ZFP91: variants seen among roughly 807,000 people sequenced by gnomAD.
ZFP91 encodes ZFP91 zinc finger protein, atypical E3 ubiquitin ligase, also known as E3 ubiquitin-protein ligase ZFP91.
Under a neutral mutation model 63.5 loss-of-function variants are expected in ZFP91, and 7 were observed. The ratio of observed to expected loss-of-function variants is 0.11; its 90% CI spans 0.06 to 0.21. The LOEUF (loss-of-function observed/expected upper bound fraction) is 0.21. Ranked by LOEUF, ZFP91 falls within the 10% of genes least tolerant of loss-of-function variation. The pLI is 1.00. For synonymous variants in ZFP91, 330 were observed against 272.1 expected (o/e 1.21, Z -2.10); for missense variants, 628 against 736.6 (o/e 0.85, Z 1.71).
chr11:58,602,231 C>G (rs1019281305), intron 2 of ZFP91, among the ~76,000 whole-genome samples: 1 of 152,106 alleles, frequency 6.6e-6, no homozygotes, highest in African/African-American at 2.4e-5. Context: ...CCCAATATGT[C>G]TGTTTTTTAA....
chr11:58,594,209 G>T (rs985693977), intron 2 of ZFP91, among the ~76,000 whole-genome samples: 2 of 152,076 alleles, frequency 1.3e-5, no homozygotes, highest in Non-Finnish European at 2.9e-5. Flanking sequence ...TAAATGATGG[G>T]TTTTGTCATG....
chr11:58,604,334 G>A lies in ZFP91; in HGVS notation c.371-5496G>A, dbSNP rs574760972. 2.6e-5 allele frequency among the ~76,000 whole-genome samples: 4 copies of A among 152,312 alleles called. No individual in the cohort carries two copies. In the East Asian group the frequency reaches 7.7e-4, roughly 29 times the overall value. Reference sequence around the variant, plus strand: ...ACCGTGTGATGATGGAGATAGAATTGAAGTTAGCAGCTATAAGCCAAGTTG... The same window carrying A: ...ACCGTGTGATGATGGAGATAGAATTAAAGTTAGCAGCTATAAGCCAAGTTG... On this transcript the variant is annotated intron_variant, in intron 2 of 10. Transcript: ENST00000316059.
chr11:58,600,632 C>T (rs1855477744), intron 2 of ZFP91, among the ~76,000 whole-genome samples: 1 of 152,104 alleles, frequency 6.6e-6, no homozygotes, highest in Non-Finnish European at 1.5e-5. Context: ...TCTTCCTTTT[C>T]ACTTTGGGTG....
intron 9 of ZFP91, among the ~76,000 whole-genome samples, chr11:58,615,397 C>T (rs1035198331): frequency 2.0e-5 from 3 of 148,226 alleles, no homozygotes; most frequent in Admixed American, 6.9e-5. Flanking sequence ...CTGACAGCCA[C>T]TTTAGATTGT....
At position 58,617,070 on chromosome 11, in the gene ZFP91, T is replaced by TTGTGTGTGTGTGTGTGTG. The variant is rs143676081; in HGVS notation, c.1203-114_1203-97dup. 48 of 740,610 alleles carry TTGTGTGTGTGTGTGTGTG rather than the reference T, an allele frequency of 6.5e-5. No homozygotes were observed. In the African/African-American group the frequency reaches 6.9e-4, roughly 11 times the overall value. 45.9% of individuals were successfully genotyped at this position (740,610 alleles called of 1,614,324 possible). On this transcript the variant is annotated intron_variant, in intron 10 of 10. Transcript: ENST00000316059. This position sits in a 1 kb window ranked among gnomAD's most constrained non-coding sequence, Gnocchi z 4.2. ...TTCAAAAGAAGTATGTTACTGATTATTGTGTGTGTGTGTGTGTGTGTGTGT... is the reference window on the plus strand; with the variant it reads ...TTCAAAAGAAGTATGTTACTGATTATTGTGTGTGTGTGTGTGTGTGTGTGTGTGTGTGTGTGTGTGTGT...
chr11:58,590,908 G>GT (rs1265672230), intron 2 of ZFP91, among the ~76,000 whole-genome samples: 2,085 of 143,762 alleles, frequency 0.015, 46 homozygotes, highest in African/African-American at 0.046. Flanking sequence ...ATATTTCTGG[G>GT]TTTTTTTTTT....
Position 58,617,952 on chromosome 11 carries a change from C to G in ZFP91, c.*246C>G, listed in dbSNP as rs574791363. 2.4e-6 allele frequency: 1 copy of G among 409,052 alleles called. No homozygotes were observed. Among genetic ancestry groups the G allele is most frequent in the East Asian group, 4.2e-5 (1 of 24,032 alleles). The allele number at this position is 409,052 out of a possible 1,614,324, so 25.3% of individuals were successfully genotyped here. A position where few individuals can be genotyped will look rare whatever the true frequency, so the allele number is the denominator to read the frequency against. ...AAGGTAGACAAAAAAGAAGCAGCAG[C>G]AGCTCTTAAAGTGAGGGTTATTCTC... On this transcript the variant is annotated 3_prime_UTR_variant, in exon 11 of 11. Coordinates refer to ENST00000316059, the MANE Select transcript of ZFP91 (RefSeq NM_053023.5). This position sits in a 1 kb window ranked among gnomAD's most constrained non-coding sequence, Gnocchi z 4.2.
At chr11:58,599,165 C>T (rs1421958469) in intron 2 of ZFP91, among the ~76,000 whole-genome samples, 7 of 151,888 alleles carry the variant, frequency 4.6e-5, no homozygotes, top group Non-Finnish European at 7.4e-5. Flanking sequence ...TAAAAATTTT[C>T]GTTGTATGTA....
chr11:58,581,754 A>G (rs1192271732), intron 1 of ZFP91, among the ~76,000 whole-genome samples: 1 of 152,272 alleles, frequency 6.6e-6, no homozygotes, highest in Non-Finnish European at 1.5e-5. Context: ...ACTCTTGGCA[A>G]CAAAGTACTA....
rs879107857 is a variant in ZFP91, at chr11:58,621,142, T to C, written c.*3436T>C. The C allele has an allele frequency of 6.6e-6, 1 of 152,518 alleles. No homozygotes were observed. The highest frequency in any genetic ancestry group is 2.1e-4 in the South Asian group (1 of 4,824). The allele number at this position is 152,518 out of a possible 1,614,324, so 9.4% of individuals were successfully genotyped here. A position where few individuals can be genotyped will look rare whatever the true frequency, so the allele number is the denominator to read the frequency against. Reference sequence around the variant, plus strand: ...AAATGCCCTCAGAACAGGTGTTATGTGGGGCATACTATTGTTTGCTTTTGT... The same window carrying C: ...AAATGCCCTCAGAACAGGTGTTATGCGGGGCATACTATTGTTTGCTTTTGT... On this transcript the variant is annotated 3_prime_UTR_variant, in exon 11 of 11. Transcript: ENST00000316059.
chr11:58,594,730 A>G (rs920190304), intron 2 of ZFP91, among the ~76,000 whole-genome samples: 59 of 152,372 alleles, frequency 3.9e-4, no homozygotes, highest in Non-Finnish European at 1.2e-4. Flanking sequence ...AAATCTAGGC[A>G]TTAATACACA....
At chr11:58,613,615 A>G (rs1855702675) in intron 8 of ZFP91, among the ~76,000 whole-genome samples, 1 of 152,200 alleles carries the variant, frequency 6.6e-6, no homozygotes, top group Non-Finnish European at 1.5e-5. Context: ...AAAAAAAGTA[A>G]AATTAGAACT....
intron 2 of ZFP91, among the ~76,000 whole-genome samples, chr11:58,603,763 TCG>T (rs749394270): frequency 2.0e-5 from 3 of 152,338 alleles, no homozygotes; most frequent in South Asian, 2.1e-4. Flanking sequence ...CTAATGCTTT[TCG>T]CTAGGTTTTG....
rs527303993 is a variant in ZFP91 at position 58,591,578 on chromosome 11, C to A, written c.370+6694C>A. Among the ~76,000 whole-genome samples, 6 of 152,250 alleles carry A rather than the reference C, an allele frequency of 3.9e-5. No homozygotes were observed. In the South Asian group the frequency reaches 1.2e-3, roughly 32 times the overall value. On this transcript the variant is annotated intron_variant, in intron 2 of 10. Transcript: ENST00000316059. Reference sequence around the variant, plus strand: ...CTTCACCCTAATAATGTCCTTCATGCCTGTTTATAGTTAATCCGTATTCTC... The same window carrying A: ...CTTCACCCTAATAATGTCCTTCATGACTGTTTATAGTTAATCCGTATTCTC...
intron 2 of ZFP91, among the ~76,000 whole-genome samples, chr11:58,590,392 G>A (rs1379922127): frequency 6.6e-6 from 1 of 152,160 alleles, no homozygotes; most frequent in East Asian, 1.9e-4. Context: ...TTTACTGGTT[G>A]GGCCATTCCC....
Position 58,612,391 on chromosome 11 carries a change from A to AT in ZFP91, c.908+66dup. 3.3e-6 allele frequency: 5 copies of AT among 1,535,926 alleles called. No individual in the cohort carries two copies. The South Asian group carries it at 4.6e-5, about 14-fold the overall frequency. On this transcript the variant is annotated intron_variant, in intron 7 of 10. Coordinates refer to ENST00000316059, the MANE Select transcript of ZFP91 (RefSeq NM_053023.5). ...CCAGTACCAGGCACTTTACTCACAA[A>AT]TTTAGACTTCATGATAATCCTGCAG...
chr11:58,593,079 C>T (rs77084531), intron 2 of ZFP91, among the ~76,000 whole-genome samples: 1 of 152,232 alleles, frequency 6.6e-6, no homozygotes, highest in Non-Finnish European at 1.5e-5. Flanking sequence ...CCCCATTACA[C>T]AAACACCTCC....
At position 58,617,578 on chromosome 11, in the gene ZFP91, A is replaced by G. The variant is rs1470483407; in HGVS notation, c.1585A>G (p.Met529Val). The G allele has an allele frequency of 1.2e-6, 2 of 1,610,734 alleles. No homozygotes were observed. The highest frequency in any genetic ancestry group is 1.7e-5 in the Admixed American group (1 of 59,290). The change falls in exon 11 of 11, where the codon ATG (methionine) becomes GTG (valine). Residue 529 changes from methionine (M) to valine (V), a missense_variant. Around this residue, in one of 3 missense-constraint regions of ZFP91, gnomAD observed 115 missense variants for 125.4 expected, o/e 0.92. Transcript: ENST00000316059. This position sits in a 1 kb window ranked among gnomAD's most constrained non-coding sequence, Gnocchi z 4.2. ...CAGTGGGACGGAACGGGTGAGCCTG[A>G]TGGCTGATGGGAAGATCTTTGTGGG... ...YCSGTERVSL[M>V]ADGKIFVGSG...
At position 58,616,881 on chromosome 11, in the gene ZFP91, CT is replaced by C. The variant is rs1405211648; in HGVS notation, c.1202+69del. ...ATATGCCCTACTTGAAGGTTTGCCG[CT>C]TTACAAACATATTAGTTGCCACTGC... On this transcript the variant is annotated intron_variant, in intron 10 of 10. Transcript: ENST00000316059. 1.2e-5 allele frequency: 17 copies of C among 1,462,996 alleles called. No homozygotes were observed. The African/African-American group carries it at 1.7e-4, about 14-fold the overall frequency. 90.6% of individuals were successfully genotyped at this position (1,462,996 alleles called of 1,614,324 possible).
Sources: gnomAD v4.1 joint callset for allele counts (sites outside exome capture counted in the v4.1 genomes callset) on GRCh38, gnomAD v4.1.1 for gene constraint, gnomAD v4.1.1 regional missense constraint, Gnocchi (gnomAD v3.1) non-coding constraint, MANE v1.5 for transcripts, NCBI Gene and HGNC (gene_info 2026-07-23, HGNC 2026-07-21) for gene names.